GOT2: variants seen among roughly 807,000 people sequenced by gnomAD.
The protein encoded by GOT2 is glutamic-oxaloacetic transaminase 2.
Under a neutral mutation model 50.0 loss-of-function variants are expected in GOT2, and 17 were observed. The ratio of observed to expected loss-of-function variants is 0.34; its 90% CI spans 0.23 to 0.51. GOT2 has a LOEUF of 0.51. Among genes scored for constraint, GOT2 ranks in the 20% least tolerant of loss-of-function variants. The pLI, the probability that GOT2 is intolerant of heterozygous loss-of-function variation, is 0.97. For missense variants in GOT2, 430 were observed against 559.6 expected, an observed-to-expected ratio of 0.77 and a Z score of 2.34; for synonymous variants, 172 against 204.9, an observed-to-expected ratio of 0.84 and a Z score of 1.37.
At chr16:58,727,708 C>T (rs759025273) in intron 1 of GOT2, among the ~76,000 whole-genome samples, 2 of 152,152 alleles carry the variant, frequency 1.3e-5, no homozygotes, top group African/African-American at 4.8e-5. Flanking sequence ...GAAAGTACTG[C>T]ACAAGGTTAG....
At chr16:58,719,318 G>T in intron 3 of GOT2, 63 bp from the exon 4 acceptor site, 2 of 1,125,478 alleles carry the variant, frequency 1.8e-6, no homozygotes, top group Non-Finnish European at 2.7e-6. Flanking sequence ...CAGACCCAGG[G>T]CCACTGCTTT....
rs779056030 is a variant in GOT2, at chr16:58,709,685, C to T, written c.1020-118G>A. On this transcript the variant is annotated intron_variant, in intron 8 of 9. Coordinates refer to ENST00000245206, the MANE Select transcript of GOT2 (RefSeq NM_002080.4). ...CTAGTGTGCCTCAATTCTCAGGTCACGAATGAGTGACACGCTGTCACTGGC... is the reference window on the plus strand; with the variant it reads ...CTAGTGTGCCTCAATTCTCAGGTCATGAATGAGTGACACGCTGTCACTGGC... 1.3e-5 allele frequency: 9 copies of T among 707,468 alleles called. No individual in the cohort carries two copies. The South Asian group carries it at 1.8e-4, about 14-fold the overall frequency. 43.8% of individuals were successfully genotyped at this position (707,468 alleles called of 1,614,324 possible).
At chr16:58,708,489 C>A (rs1370298779) in intron 9 of GOT2, among the ~76,000 whole-genome samples, 196 bp from the exon 10 acceptor site, 2 of 152,114 alleles carry the variant, frequency 1.3e-5, no homozygotes, top group Non-Finnish European at 2.9e-5. Context: ...CTTGTAATCC[C>A]AGCTATTCAG....
At chr16:58,726,478 G>T (rs1305167591) in intron 1 of GOT2, among the ~76,000 whole-genome samples, 1 of 70,758 alleles carries the variant, frequency 1.4e-5, no homozygotes, top group African/African-American at 7.5e-5. Flanking sequence ...GCCGCCCCCG[G>T]CCTGCTTTAT....
At chr16:58,729,430 G>A (rs1357017473) in intron 1 of GOT2, among the ~76,000 whole-genome samples, 3 of 150,596 alleles carry the variant, frequency 2.0e-5, no homozygotes. Flanking sequence ...AGGAGGCTGA[G>A]GTGGGAGGGT....
intron 6 of GOT2, among the ~76,000 whole-genome samples, chr16:58,717,241 TG>T (rs2044701739): frequency 6.6e-6 from 1 of 152,090 alleles, no homozygotes; most frequent in Non-Finnish European, 1.5e-5. Context: ...CAGGCAGGTG[TG>T]GCACACATGT....
At chr16:58,727,826 G>A (rs1382196893) in intron 1 of GOT2, among the ~76,000 whole-genome samples, 2 of 152,176 alleles carry the variant, frequency 1.3e-5, no homozygotes, top group African/African-American at 4.8e-5. Context: ...CGGTGAGAAG[G>A]AGCTGGGGGT....
chr16:58,722,874 G>A (rs1469605791), intron 2 of GOT2, among the ~76,000 whole-genome samples: 1 of 152,108 alleles, frequency 6.6e-6, no homozygotes, highest in Non-Finnish European at 1.5e-5. Flanking sequence ...CAAGGTTTAA[G>A]AGCAACACCT....
At chr16:58,716,991 C>T (rs1426891820) in intron 6 of GOT2, among the ~76,000 whole-genome samples, 178 bp from the exon 7 acceptor site, 3 of 152,184 alleles carry the variant, frequency 2.0e-5, no homozygotes, top group Non-Finnish European at 2.9e-5. Flanking sequence ...CACGAGACAA[C>T]ATCATTAGAA....
At chr16:58,719,656 G>A (rs550679317) in intron 3 of GOT2, among the ~76,000 whole-genome samples, 73 of 152,196 alleles carry the variant, frequency 4.8e-4, no homozygotes, top group Admixed American at 1.4e-3. Flanking sequence ...TGGAAAGGCT[G>A]AGGCATGAGA....
intron 1 of GOT2, among the ~76,000 whole-genome samples, chr16:58,729,280 A>G (rs1015188787): frequency 1.4e-4 from 21 of 149,382 alleles, no homozygotes; most frequent in Admixed American, 7.5e-4. Flanking sequence ...CATCACTGTC[A>G]TTAACTGCCG....
chr16:58,733,173 G>A (rs1430464009), intron 1 of GOT2, among the ~76,000 whole-genome samples: 1 of 152,146 alleles, frequency 6.6e-6, no homozygotes, highest in African/African-American at 2.4e-5. Flanking sequence ...TTCTTGAGTT[G>A]AATTAATCTT....
intron 1 of GOT2, among the ~76,000 whole-genome samples, chr16:58,732,492 T>C (rs1413407773): frequency 6.6e-6 from 1 of 151,642 alleles, no homozygotes; most frequent in African/African-American, 2.4e-5. Flanking sequence ...TAAAATGTCA[T>C]ACTGTATTTG....
At chr16:58,726,331 TC>T (rs2044783026) in intron 1 of GOT2, among the ~76,000 whole-genome samples, 1 of 151,748 alleles carries the variant, frequency 6.6e-6, no homozygotes, top group Admixed American at 6.6e-5. Flanking sequence ...GATTACAAAC[TC>T]CTGCCACCAT....
intron 1 of GOT2, among the ~76,000 whole-genome samples, chr16:58,728,250 C>T (rs1338712405): frequency 6.6e-6 from 1 of 152,108 alleles, no homozygotes; most frequent in Non-Finnish European, 1.5e-5. Context: ...CAGTACTGGG[C>T]AAACTGTACG....
rs887813255 is a variant in GOT2 at position 58,707,542 on chromosome 16, T to C, written c.*629A>G. On this transcript the variant is annotated 3_prime_UTR_variant, in exon 10 of 10. Coordinates refer to ENST00000245206, the MANE Select transcript of GOT2 (RefSeq NM_002080.4). The stretch of plus-strand genomic sequence containing the variant: ...GTTGATGGTCAATCAAGCAGTAGAA[T>C]GGGATGAAAATCTGCAATAGTTAAA... 1 of 152,134 alleles carries C rather than the reference T, an allele frequency of 6.6e-6. No individual in the cohort carries two copies. Among genetic ancestry groups the C allele is most frequent in the African/African-American group, 2.4e-5 (1 of 41,428 alleles). The allele number at this position is 152,134 out of a possible 1,614,324, so 9.4% of individuals were successfully genotyped here.
intron 7 of GOT2, chr16:58,716,458 GA>G: frequency 1.6e-6 from 1 of 614,222 alleles, no homozygotes; most frequent in Non-Finnish European, 2.8e-6. Context: ...TCCTTTGCTG[GA>G]AAAACTTAAG....
chr16:58,726,562 G>A (rs370074061), intron 1 of GOT2, among the ~76,000 whole-genome samples: 1 of 151,522 alleles, frequency 6.6e-6, no homozygotes, highest in Non-Finnish European at 1.5e-5. Flanking sequence ...TGGCACGATC[G>A]TGGCTCACTG....
chr16:58,709,272 AAAAACAAAAAC>A (rs1232254877), intron 9 of GOT2, 134 bp downstream of exon 9: 22 of 731,194 alleles, frequency 3.0e-5, no homozygotes, highest in Middle Eastern at 4.2e-4. Flanking sequence ...AAACAAAAAC[AAAAACAAAAAC>A]AAAACAAAAC....
Sources: gnomAD v4.1 joint callset for allele counts (sites outside exome capture counted in the v4.1 genomes callset) on GRCh38, gnomAD v4.1.1 for gene constraint, MANE v1.5 for transcripts, NCBI Gene and HGNC (gene_info 2026-07-23, HGNC 2026-07-21) for gene names.